GPC4: variants seen among roughly 807,000 people sequenced by gnomAD.
GPC4 encodes glypican-4.
A neutral mutation model predicts 35.0 loss-of-function variants in GPC4; 10 were observed. The observed-to-expected ratio is 0.29, with a 90% CI of 0.18 to 0.48. GPC4 has a LOEUF of 0.48. GPC4 is among the 20% of genes least tolerant of loss of function. The probability of loss-of-function intolerance (pLI) is 0.99; values close to 1 mark genes in which losing one functional copy is unlikely to be tolerated. For synonymous variants in GPC4, 167 were observed against 170.2 expected, an observed-to-expected ratio of 0.98 and a Z score of 0.15; for missense variants, 322 against 451.3, an observed-to-expected ratio of 0.71 and a Z score of 2.60.
At chrX:133,323,889 C>T (rs1374818347) in intron 3 of GPC4, among the ~76,000 whole-genome samples, 1 of 110,845 alleles carries the variant, frequency 9.0e-6, no homozygotes, top group Non-Finnish European at 1.9e-5. Context: ...ACATATATTC[C>T]CCCTTCTAAG....
chrX:133,388,946 C>A (rs187123862), intron 1 of GPC4, among the ~76,000 whole-genome samples: 1,243 of 91,274 alleles, frequency 0.014, 26 homozygotes, highest in African/African-American at 0.047. Flanking sequence ...CACAGCTACC[C>A]ATAGCCTTTT....
At chrX:133,333,621 GAAAGA>G (rs894808455) in intron 2 of GPC4, among the ~76,000 whole-genome samples, 1 of 112,623 alleles carries the variant, frequency 8.9e-6, no homozygotes, top group African/African-American at 3.2e-5. Context: ...CTTTCATATG[GAAAGA>G]AAAGAAAATA....
At chrX:133,372,143 T>C (rs192766988) in intron 1 of GPC4, among the ~76,000 whole-genome samples, 242 of 107,111 alleles carry the variant, frequency 2.3e-3, no homozygotes, top group African/African-American at 7.6e-3. Flanking sequence ...TGAGGATCGC[T>C]TGAACCTGAG....
intron 1 of GPC4, among the ~76,000 whole-genome samples, chrX:133,371,538 T>C (rs2068612112): frequency 8.9e-6 from 1 of 112,026 alleles, no homozygotes; most frequent in Admixed American, 9.5e-5. Context: ...TGCTAAAATA[T>C]GCTCAGGTTT....
intron 1 of GPC4, among the ~76,000 whole-genome samples, chrX:133,353,872 G>A (rs745620289): frequency 9.0e-6 from 1 of 111,611 alleles, no homozygotes; most frequent in African/African-American, 3.3e-5. Flanking sequence ...CTCCCATCAA[G>A]CACAGGGACA....
chrX:133,397,537 A>T (rs773089541), intron 1 of GPC4, among the ~76,000 whole-genome samples: 5 of 109,149 alleles, frequency 4.6e-5, no homozygotes, highest in Non-Finnish European at 7.6e-5. Context: ...AGGGTGGGTG[A>T]CAGAGTAAGA....
At chrX:133,319,826 C>T in intron 3 of GPC4, among the ~76,000 whole-genome samples, 1 of 111,031 alleles carries the variant, frequency 9.0e-6, no homozygotes, top group Non-Finnish European at 1.9e-5. Flanking sequence ...TTTCCAATAC[C>T]ACTGTATCTC....
intron 1 of GPC4, among the ~76,000 whole-genome samples, chrX:133,349,079 C>T (rs1381074775): frequency 8.9e-6 from 1 of 112,356 alleles, no homozygotes; most frequent in Non-Finnish European, 1.9e-5. Flanking sequence ...CCAAGCCACA[C>T]ATCATAATAG....
At chrX:133,383,415 T>C (rs754575972) in intron 1 of GPC4, among the ~76,000 whole-genome samples, 10 of 109,489 alleles carry the variant, frequency 9.1e-5, no homozygotes, top group African/African-American at 3.3e-4. Context: ...TTGCCAGGAG[T>C]TGATGGAAGG....
chrX:133,314,810 C>T (rs980229589), intron 3 of GPC4, among the ~76,000 whole-genome samples: 2 of 111,061 alleles, frequency 1.8e-5, no homozygotes, highest in African/African-American at 6.5e-5. Context: ...AAAACAGTCA[C>T]GAGACCTAAA....
chrX:133,389,339 T>C (rs1343072194), intron 1 of GPC4, among the ~76,000 whole-genome samples: 3 of 111,709 alleles, frequency 2.7e-5, no homozygotes, highest in Non-Finnish European at 5.6e-5. Flanking sequence ...CCCTAATAAC[T>C]GACACCTAGC....
chrX:133,323,288 G>A (rs926070314), intron 3 of GPC4, among the ~76,000 whole-genome samples: 1 of 111,713 alleles, frequency 9.0e-6, no homozygotes, highest in Non-Finnish European at 1.9e-5. Context: ...AGACCAGCCT[G>A]AACAACATGG....
intron 1 of GPC4, among the ~76,000 whole-genome samples, chrX:133,386,302 T>C (rs1381548515): frequency 1.8e-5 from 2 of 108,255 alleles, no homozygotes; most frequent in African/African-American, 3.3e-5. Flanking sequence ...ACAAATGGAA[T>C]AGGAAAATGT....
At chrX:133,322,474 C>T (rs1017434466) in intron 3 of GPC4, among the ~76,000 whole-genome samples, 28 of 105,072 alleles carry the variant, frequency 2.7e-4, no homozygotes, top group Non-Finnish European at 4.5e-4. Context: ...CACCTGTTGT[C>T]GTCTGAGCCT....
At chrX:133,406,370 A>G (rs950159985) in intron 1 of GPC4, among the ~76,000 whole-genome samples, 3 of 112,392 alleles carry the variant, frequency 2.7e-5, no homozygotes, top group Non-Finnish European at 5.6e-5. Flanking sequence ...ACAACCATGC[A>G]CTGATTCTAA....
rs2068454690 is a variant in GPC4 at position 133,338,775 on chromosome X, G to T, written c.319+408C>A. On this transcript the variant is annotated intron_variant, in intron 2 of 8. Transcript: ENST00000370828. The stretch of plus-strand genomic sequence containing the variant: ...CTTTTAGGAATTCTAGTTGTCTTTG[G>T]GGATCCATTTTGAAATTTAATTTGA... Among the ~76,000 whole-genome samples, 3 of 111,135 alleles carry T rather than the reference G, an allele frequency of 2.7e-5. No individual in the cohort carries two copies. The Admixed American group carries it at 2.9e-4, about 11-fold the overall frequency.
intron 1 of GPC4, among the ~76,000 whole-genome samples, chrX:133,391,610 T>C (rs1049864678): frequency 8.9e-6 from 1 of 112,039 alleles, no homozygotes; most frequent in African/African-American, 3.2e-5. Context: ...CCCAAAAAAA[T>C]TGCTTCGTGA....
intron 1 of GPC4, among the ~76,000 whole-genome samples, chrX:133,392,111 T>C (rs1222186283): frequency 9.2e-6 from 1 of 108,480 alleles, no homozygotes. Flanking sequence ...TGCATGCCTG[T>C]AATCCCAGTT....
chrX:133,306,922 T>C (rs1428794923), intron 4 of GPC4, among the ~76,000 whole-genome samples: 1 of 112,097 alleles, frequency 8.9e-6, no homozygotes, highest in African/African-American at 3.2e-5. Flanking sequence ...CATTTTCCAG[T>C]AAGCACTGAA....
Sources: allele counts gnomAD v4.1 joint callset (sites outside exome capture counted in the v4.1 genomes callset), GRCh38; gene constraint gnomAD v4.1.1; transcripts MANE v1.5; gene names NCBI Gene and HGNC (gene_info 2026-07-23, HGNC 2026-07-21).